ADARB2: variants seen among roughly 807,000 people sequenced by gnomAD.
The protein encoded by ADARB2 is inactive double-stranded RNA-specific editase B2.
ADARB2 carries 25 observed loss-of-function variants against 62.2 expected under a neutral mutation model. That is an observed-to-expected ratio of 0.40 (90% CI 0.29 to 0.56). ADARB2 has a LOEUF of 0.56. ADARB2 is among the 20% of genes least tolerant of loss of function. ADARB2 has a pLI of 0.43. For missense variants in ADARB2, 1,071 were observed against 1,077.4 expected (o/e 0.99, Z 0.08); for synonymous variants, 572 against 500.8 (o/e 1.14, Z -1.90).
intron 8 of ADARB2, among the ~76,000 whole-genome samples, chr10:1,195,234 C>T (rs769968044): frequency 3.9e-5 from 6 of 152,188 alleles, no homozygotes; most frequent in South Asian, 4.1e-4. Context: ...TCTTGTGGCA[C>T]TCTCCTTGGT....
chr10:1,724,342 G>A (rs896687929), intron 1 of ADARB2, among the ~76,000 whole-genome samples: 1 of 152,184 alleles, frequency 6.6e-6, no homozygotes, highest in Non-Finnish European at 1.5e-5. Flanking sequence ...TGTTATCTGT[G>A]TCCTGGTGGT....
At chr10:1,541,666 C>T (rs1832430889) in intron 1 of ADARB2, among the ~76,000 whole-genome samples, 1 of 46,740 alleles carries the variant, frequency 2.1e-5, no homozygotes, top group Non-Finnish European at 4.0e-5. Flanking sequence ...GGATCACAGC[C>T]GCCCAGACCC....
intron 9 of ADARB2, 21 bp downstream of exon 9, chr10:1,184,840 G>T (rs1283835653): frequency 3.1e-6 from 5 of 1,605,358 alleles, no homozygotes; most frequent in African/African-American, 1.3e-5. Context: ...CAGTTTCCCT[G>T]CAAGGATGGG....
intron 1 of ADARB2, among the ~76,000 whole-genome samples, chr10:1,574,568 C>T (rs1349059709): frequency 6.6e-6 from 1 of 152,072 alleles, no homozygotes; most frequent in Admixed American, 6.5e-5. Context: ...AAGGTGTCGG[C>T]AGGGCTGGTT....
intron 8 of ADARB2, among the ~76,000 whole-genome samples, chr10:1,192,512 A>AT (rs1836857048): frequency 6.6e-6 from 1 of 152,230 alleles, no homozygotes; most frequent in Non-Finnish European, 1.5e-5. Flanking sequence ...GAATGTCTTT[A>AT]TAATTGCCAG....
At chr10:1,609,327 C>A (rs763987798) in intron 1 of ADARB2, among the ~76,000 whole-genome samples, 1 of 152,212 alleles carries the variant, frequency 6.6e-6, no homozygotes, top group Non-Finnish European at 1.5e-5. Context: ...CACAGAGACC[C>A]GCTGGTCACA....
At chr10:1,686,636 T>G (rs1479073094) in intron 1 of ADARB2, among the ~76,000 whole-genome samples, 1 of 152,170 alleles carries the variant, frequency 6.6e-6, no homozygotes, top group Non-Finnish European at 1.5e-5. Flanking sequence ...GCTGATGCCA[T>G]GGTGCACCCT....
intron 1 of ADARB2, among the ~76,000 whole-genome samples, chr10:1,463,535 C>T (rs1404298219): frequency 6.6e-6 from 1 of 152,220 alleles, no homozygotes; most frequent in Admixed American, 6.5e-5. Context: ...AGTCTATTTA[C>T]GTCTCATAAA....
In ADARB2 at chr10:1,184,967, G is replaced by A. The variant is rs753480287; in HGVS notation, c.1937C>T (p.Ala646Val). The change falls in exon 9 of 10, where the codon GCG becomes GTG. Residue 646 changes from alanine (A) to valine (V), a missense_variant. Physicochemically the swap from Ala to Val is moderately conservative, Grantham distance 64. Transcript: ENST00000381312. ...PFSMNWVVGS[A>V]DLEIINATTG... is the part of the protein sequence containing the mutation. Reference sequence around the variant, plus strand: ...GGTGGCGTTGATAATCTCCAGGTCCGCGCTGCCCACGACCCAGTTCATGCT... The same window carrying A: ...GGTGGCGTTGATAATCTCCAGGTCCACGCTGCCCACGACCCAGTTCATGCT... 10 of 1,613,724 alleles carry A rather than the reference G, an allele frequency of 6.2e-6. No homozygotes were observed. Among genetic ancestry groups the A allele is most frequent in the African/African-American group, 1.3e-5 (1 of 74,950 alleles).
intron 1 of ADARB2, among the ~76,000 whole-genome samples, chr10:1,403,763 T>A (rs1299534231): frequency 6.6e-6 from 1 of 152,204 alleles, no homozygotes; most frequent in Non-Finnish European, 1.5e-5. Context: ...GGCTTTCTCA[T>A]GCAATGCAGT....
intron 1 of ADARB2, among the ~76,000 whole-genome samples, chr10:1,614,261 A>T (rs1327068476): frequency 6.6e-6 from 1 of 152,250 alleles, no homozygotes; most frequent in Non-Finnish European, 1.5e-5. Flanking sequence ...ACAGAACATC[A>T]ATGTTTATTA....
At chr10:1,384,998 T>C (rs183797365) in intron 1 of ADARB2, among the ~76,000 whole-genome samples, 1 of 152,126 alleles carries the variant, frequency 6.6e-6, no homozygotes, top group African/African-American at 2.4e-5. Flanking sequence ...TGTAAAAAGG[T>C]CATGTTTTAG....
chr10:1,308,893 T>A (rs1007147), intron 3 of ADARB2, among the ~76,000 whole-genome samples: 4 of 152,062 alleles, frequency 2.6e-5, no homozygotes, highest in Non-Finnish European at 4.4e-5. Flanking sequence ...GGAAAAGTGT[T>A]GGAGAAGTGG....
Position 1,477,617 on chromosome 10 carries a change from A to G in ADARB2, c.101-98457T>C, listed in dbSNP as rs531047665. ...ACAACACGGTGATGTGCCAGAAGCAATGAAAAGCCATCCATACATAGATAA... is the reference window on the plus strand; with the variant it reads ...ACAACACGGTGATGTGCCAGAAGCAGTGAAAAGCCATCCATACATAGATAA... On this transcript the variant is annotated intron_variant, in intron 1 of 9. Coordinates refer to ENST00000381312, the MANE Select transcript of ADARB2 (RefSeq NM_018702.4). The surrounding 1 kb of genome is among the most constrained non-coding windows in gnomAD (Gnocchi z 4.5). Among the ~76,000 whole-genome samples, 4 of 152,326 alleles carry G rather than the reference A, an allele frequency of 2.6e-5. No individual in the cohort carries two copies. The South Asian group carries it at 8.3e-4, about 32-fold the overall frequency.
intron 1 of ADARB2, among the ~76,000 whole-genome samples, chr10:1,465,365 G>A (rs1027578763): frequency 2.0e-5 from 3 of 152,318 alleles, no homozygotes; most frequent in South Asian, 2.1e-4. Flanking sequence ...GTGTGTTAAC[G>A]ATACCTCAGT....
At chr10:1,494,879 AT>A (rs1203980297) in intron 1 of ADARB2, among the ~76,000 whole-genome samples, 4 of 152,206 alleles carry the variant, frequency 2.6e-5, no homozygotes, top group African/African-American at 4.8e-5. Flanking sequence ...AGGATGAACC[AT>A]CACCCATTCT....
chr10:1,576,625 G>C (rs1833025007), intron 1 of ADARB2, among the ~76,000 whole-genome samples: 1 of 152,116 alleles, frequency 6.6e-6, no homozygotes, highest in East Asian at 1.9e-4. Context: ...GAGGGGCACT[G>C]TGCAACCCCC....
At chr10:1,289,570 G>A (rs1200908647) in intron 3 of ADARB2, among the ~76,000 whole-genome samples, 2 of 152,260 alleles carry the variant, frequency 1.3e-5, no homozygotes, top group African/African-American at 4.8e-5. Flanking sequence ...GGGTGCTCCT[G>A]ACGGGCAGAC....
At chr10:1,612,922 T>C (rs868567034) in intron 1 of ADARB2, among the ~76,000 whole-genome samples, 1 of 152,254 alleles carries the variant, frequency 6.6e-6, no homozygotes, top group Non-Finnish European at 1.5e-5. Context: ...GATTAGTAGC[T>C]GAAATAAATG....
Sources: allele counts gnomAD v4.1 joint callset (sites outside exome capture counted in the v4.1 genomes callset), GRCh38; gene constraint gnomAD v4.1.1; non-coding constraint Gnocchi (gnomAD v3.1); transcripts MANE v1.5; gene names NCBI Gene and HGNC (gene_info 2026-07-23, HGNC 2026-07-21).